Variants in VEPH1 observed in about 807,000 individuals in gnomAD.
The protein encoded by VEPH1 is ventricular zone-expressed PH domain-containing protein homolog 1.
In VEPH1, 80 loss-of-function variants were observed where a neutral mutation model predicts 85.2. That is an observed-to-expected ratio of 0.94 (90% CI 0.78 to 1.13). VEPH1 has a LOEUF of 1.13. Ranked by LOEUF, VEPH1 falls within the 50% of genes most tolerant of loss-of-function variation. The probability of loss-of-function intolerance (pLI) is 0.00; values close to 1 mark genes in which losing one functional copy is unlikely to be tolerated. For synonymous variants in VEPH1, 297 were observed against 348.0 expected (o/e 0.85, Z 1.63); for missense variants, 955 against 980.5 (o/e 0.97, Z 0.35).
chr3:157,442,646 CG>C, intron 4 of VEPH1: 1 of 1,614,140 alleles, frequency 6.2e-7, no homozygotes, highest in Non-Finnish European at 8.5e-7. Context: ...CCCACCTGTG[CG>C]GCACCTGGAA....
chr3:157,379,200 G>A (rs1352946397), intron 7 of VEPH1, among the ~76,000 whole-genome samples: 1 of 152,174 alleles, frequency 6.6e-6, no homozygotes, highest in African/African-American at 2.4e-5. Context: ...CTGATAATCT[G>A]CCTCTGACCT....
chr3:157,459,930 A>G, intron 4 of VEPH1: 1 of 1,537,218 alleles, frequency 6.5e-7, no homozygotes, highest in Non-Finnish European at 8.7e-7. Flanking sequence ...CTTCAAACTG[A>G]GAAACACAGA....
In VEPH1 at chr3:157,476,571, C is replaced by T. The variant is rs1737492235; in HGVS notation, c.139-6042G>A. Among the ~76,000 whole-genome samples, 4 of 152,308 alleles carry T rather than the reference C, an allele frequency of 2.6e-5. No individual in the cohort carries two copies. The South Asian group carries it at 8.3e-4, about 32-fold the overall frequency. ...TAGACTGATGAATCAATGGAGCAGGCTTGCAAAGAAGCCACTCAACCTTAT... is the reference window on the plus strand; with the variant it reads ...TAGACTGATGAATCAATGGAGCAGGTTTGCAAAGAAGCCACTCAACCTTAT... On this transcript the variant is annotated intron_variant, in intron 2 of 13. Transcript: ENST00000362010.
intron 4 of VEPH1, among the ~76,000 whole-genome samples, chr3:157,448,319 C>T (rs554028759): frequency 6.6e-5 from 10 of 152,252 alleles, no homozygotes; most frequent in African/African-American, 2.4e-4. Context: ...CTTAAGTTTC[C>T]AATCATTTGA....
At chr3:157,443,915 A>G (rs185887723) in intron 4 of VEPH1, among the ~76,000 whole-genome samples, 1 of 152,220 alleles carries the variant, frequency 6.6e-6, no homozygotes, top group Non-Finnish European at 1.5e-5. Context: ...ACTGTGTAAC[A>G]TAAAAACAAA....
chr3:157,293,387 C>T (rs1049626486), intron 11 of VEPH1, among the ~76,000 whole-genome samples: 1 of 152,166 alleles, frequency 6.6e-6, no homozygotes, highest in African/African-American at 2.4e-5. Flanking sequence ...AAACTCCTCA[C>T]TATCACTACA....
chr3:157,286,662 C>A lies in VEPH1; in HGVS notation c.2023G>T (p.Val675Leu), dbSNP rs750007931. Reference sequence around the variant, plus strand: ...CTCACTTCTTCCAGATGGAGCTGTACCTGGTCCAGATCCTGTGTCAGGAAC... The same window carrying A: ...CTCACTTCTTCCAGATGGAGCTGTAACTGGTCCAGATCCTGTGTCAGGAAC... The part of the protein sequence containing the change: ...TFPQQKDLDQ[V>L]QLHLEEVRFF... Residue 675 changes from valine (V) to leucine (L), a missense_variant, in exon 12 of 14, where the codon GTA (valine) becomes TTA (leucine). By Grantham distance (32) the Val-to-Leu change is conservative. Transcript: ENST00000362010. 1 of 1,613,914 alleles carries A rather than the reference C, an allele frequency of 6.2e-7. No individual in the cohort carries two copies. Among genetic ancestry groups the A allele is most frequent in the South Asian group, 1.1e-5 (1 of 91,078 alleles).
At chr3:157,413,659 A>G (rs764635453) in intron 6 of VEPH1, 106 of 985,152 alleles carry the variant, frequency 1.1e-4, no homozygotes, top group Non-Finnish European at 1.2e-4. Context: ...TTGTCCATGT[A>G]AAAGGACTGA....
At chr3:157,375,597 C>T (rs1728001325) in intron 7 of VEPH1, among the ~76,000 whole-genome samples, 1 of 152,132 alleles carries the variant, frequency 6.6e-6, no homozygotes, top group Admixed American at 6.6e-5. Context: ...TGGAGCCACT[C>T]CAAGGAAGAC....
intron 11 of VEPH1, among the ~76,000 whole-genome samples, chr3:157,293,289 A>G (rs1717747885): frequency 6.6e-6 from 1 of 152,218 alleles, no homozygotes; most frequent in African/African-American, 2.4e-5. Context: ...AATGCCATGC[A>G]TGTGCTATGT....
At chr3:157,462,253 C>G (rs1331268281) in intron 3 of VEPH1, among the ~76,000 whole-genome samples, 2 of 151,800 alleles carry the variant, frequency 1.3e-5, no homozygotes, top group Admixed American at 1.3e-4. Context: ...GTTCTGATTA[C>G]AGGGTTGTAT....
intron 5 of VEPH1, among the ~76,000 whole-genome samples, chr3:157,418,448 C>T (rs945881235): frequency 6.6e-5 from 10 of 152,098 alleles, no homozygotes; most frequent in Admixed American, 2.6e-4. Context: ...CATTTCAATT[C>T]CTCTGTAAAG....
chr3:157,308,946 A>C (rs60379417), intron 11 of VEPH1, among the ~76,000 whole-genome samples: 18,588 of 152,170 alleles, frequency 0.12, 1,993 homozygotes, highest in African/African-American at 0.29. Context: ...GCACATTCTA[A>C]ATGACCAGTA....
chr3:157,463,430 C>T (rs934295514), intron 3 of VEPH1, among the ~76,000 whole-genome samples: 1 of 152,200 alleles, frequency 6.6e-6, no homozygotes, highest in Non-Finnish European at 1.5e-5. Context: ...GAGTTCTTAA[C>T]ATCACGGAAG....
intron 1 of VEPH1, among the ~76,000 whole-genome samples, chr3:157,496,292 G>A (rs930776585): frequency 2.0e-5 from 3 of 152,178 alleles, no homozygotes; most frequent in Non-Finnish European, 2.9e-5. Context: ...GAGGGCAATG[G>A]CACAAATTAG....
At chr3:157,419,996 A>G (rs893393733) in intron 5 of VEPH1, among the ~76,000 whole-genome samples, 2 of 152,198 alleles carry the variant, frequency 1.3e-5, no homozygotes, top group African/African-American at 4.8e-5. Context: ...GCAGTCATAA[A>G]AAGGAACAAG....
intron 12 of VEPH1, among the ~76,000 whole-genome samples, chr3:157,275,506 G>A (rs1005206891): frequency 6.6e-6 from 1 of 152,084 alleles, no homozygotes; most frequent in African/African-American, 2.4e-5. Context: ...AACCTGGGAG[G>A]CGGAGGTTGC....
chr3:157,294,786 G>C (rs1308048467), intron 11 of VEPH1, among the ~76,000 whole-genome samples: 1 of 152,042 alleles, frequency 6.6e-6, no homozygotes, highest in Non-Finnish European at 1.5e-5. Context: ...TTGGGACCTG[G>C]GCTAAAAAAA....
intron 11 of VEPH1, among the ~76,000 whole-genome samples, chr3:157,305,200 C>T (rs1229429741): frequency 6.8e-6 from 1 of 146,112 alleles, no homozygotes; most frequent in Non-Finnish European, 1.5e-5. Flanking sequence ...AGCTCCGCCT[C>T]CCGGGTTCAC....
Sources: allele counts gnomAD v4.1 joint callset (sites outside exome capture counted in the v4.1 genomes callset), GRCh38; gene constraint gnomAD v4.1.1; transcripts MANE v1.5; gene names NCBI Gene and HGNC (gene_info 2026-07-23, HGNC 2026-07-21).